Variants in VPS13A observed in about 807,000 individuals in gnomAD.
The protein encoded by VPS13A is vacuolar protein sorting 13 homolog A.
VPS13A carries 264 observed loss-of-function variants against 390.9 expected under a neutral mutation model. The observed-to-expected ratio is 0.68, with a 90% CI of 0.61 to 0.75. The LOEUF is 0.75. Ranked by LOEUF, VPS13A falls within the 30% of genes least tolerant of loss-of-function variation. VPS13A has a pLI of 0.00. For missense variants in VPS13A, 3,409 were observed against 3,733.9 expected, an observed-to-expected ratio of 0.91 and a Z score of 2.27; for synonymous variants, 1,231 against 1,227.1, an observed-to-expected ratio of 1.00 and a Z score of -0.07.
intron 22 of VPS13A, among the ~76,000 whole-genome samples, chr9:77,259,303 A>G (rs1316645808): frequency 6.6e-6 from 1 of 152,146 alleles, no homozygotes; most frequent in African/African-American, 2.4e-5. Flanking sequence ...AAAGTGAAAA[A>G]AAGTTTAAGT....
At chr9:77,218,145 G>GCT (rs1398584683) in intron 10 of VPS13A, among the ~76,000 whole-genome samples, 1 of 112,594 alleles carries the variant, frequency 8.9e-6, no homozygotes, top group Non-Finnish European at 1.7e-5. Context: ...ACAGAGTCTT[G>GCT]CTCTGTCTCC....
At chr9:77,322,656 G>C (rs549412330) in intron 44 of VPS13A, among the ~76,000 whole-genome samples, 26 of 151,712 alleles carry the variant, frequency 1.7e-4, no homozygotes, top group African/African-American at 5.8e-4. Context: ...ATTTAATCAA[G>C]TCCAAGATAT....
intron 71 of VPS13A, among the ~76,000 whole-genome samples, chr9:77,413,530 C>A (rs1406239875): frequency 6.6e-6 from 1 of 152,156 alleles, no homozygotes; most frequent in African/African-American, 2.4e-5. Context: ...GGAAAACTAG[C>A]TAGCCATATG....
At chr9:77,279,269 G>T (rs1826875124) in intron 26 of VPS13A, among the ~76,000 whole-genome samples, 1 of 152,144 alleles carries the variant, frequency 6.6e-6, no homozygotes, top group African/African-American at 2.4e-5. Context: ...GGGGGATGGA[G>T]TGGGAAGGTG....
chr9:77,302,300 T>G (rs1828418016), intron 33 of VPS13A, among the ~76,000 whole-genome samples: 1 of 151,588 alleles, frequency 6.6e-6, no homozygotes, highest in Non-Finnish European at 1.5e-5. Flanking sequence ...CTATACAACT[T>G]ACAACTTATA....
At chr9:77,331,600 C>G (rs1379998765) in intron 45 of VPS13A, among the ~76,000 whole-genome samples, 1 of 151,376 alleles carries the variant, frequency 6.6e-6, no homozygotes, top group African/African-American at 2.4e-5. Context: ...GGTTATAAAC[C>G]CTTTGTCAAG....
intron 71 of VPS13A, among the ~76,000 whole-genome samples, 161 bp from the exon 72 acceptor site, chr9:77,415,795 T>C (rs1835147187): frequency 6.6e-6 from 1 of 152,222 alleles, no homozygotes; most frequent in Non-Finnish European, 1.5e-5. Flanking sequence ...TCTGGGCCAT[T>C]GAAGTGAATG....
chr9:77,405,643 A>T (rs538872711), intron 69 of VPS13A, among the ~76,000 whole-genome samples: 3 of 152,268 alleles, frequency 2.0e-5, no homozygotes, highest in African/African-American at 7.2e-5. Context: ...AGCATTTGGA[A>T]ATACTATTGT....
In VPS13A at chr9:77,321,176, A is replaced by G. The variant is rs1426545894; in HGVS notation, c.5423A>G (p.Lys1808Arg). 1.2e-6 allele frequency: 2 copies of G among 1,612,032 alleles called. No homozygotes were observed. The highest frequency in any genetic ancestry group is 1.7e-6 in the Non-Finnish European group (2 of 1,178,768). ...RPWNLGIKMK[K>R]KAKMAIVESD... ...TATGATTTATCATTTTAGATGAAAAAGAAAGCAAAAATGGCCATTGTTGAG... is the reference window on the plus strand; with the variant it reads ...TATGATTTATCATTTTAGATGAAAAGGAAAGCAAAAATGGCCATTGTTGAG... The change falls in exon 43 of 72, where the codon AAG (lysine) becomes AGG (arginine). Residue 1808 changes from lysine (K) to arginine (R), a missense_variant. Lys to Arg is a conservative substitution (Grantham distance 26). Coordinates refer to ENST00000360280, the MANE Select transcript of VPS13A (RefSeq NM_033305.3).
At chr9:77,266,401 T>C (rs1442934478) in intron 23 of VPS13A, among the ~76,000 whole-genome samples, 4 of 152,140 alleles carry the variant, frequency 2.6e-5, no homozygotes, top group African/African-American at 9.7e-5. Flanking sequence ...GGTGTTAAAG[T>C]CTCCTGCTGT....
chr9:77,413,886 C>T (rs1252256910), intron 71 of VPS13A, among the ~76,000 whole-genome samples: 3 of 152,054 alleles, frequency 2.0e-5, no homozygotes, highest in Admixed American at 2.0e-4. Context: ...TGAACTCAAA[C>T]AAATCTACAA....
At chr9:77,266,654 T>C (rs1031774994) in intron 23 of VPS13A, among the ~76,000 whole-genome samples, 12 of 152,160 alleles carry the variant, frequency 7.9e-5, no homozygotes, top group Non-Finnish European at 1.6e-4. Context: ...GTTGCTCTTA[T>C]TGAGGAATGT....
chr9:77,285,420 T>C (rs1019894988), intron 31 of VPS13A, among the ~76,000 whole-genome samples: 1 of 152,320 alleles, frequency 6.6e-6, no homozygotes, highest in South Asian at 2.1e-4. Flanking sequence ...TATTTATATA[T>C]GCCATAAGGT....
chr9:77,318,469 A>G lies in VPS13A; in HGVS notation c.5191A>G (p.Ile1731Val), dbSNP rs1016550070. 18 of 1,613,986 alleles carry G rather than the reference A, an allele frequency of 1.1e-5. 1 individual carries two copies. The highest frequency in any genetic ancestry group is 3.3e-5 in the South Asian group (3 of 91,080). ...AAAAATGAACATTGATTCTATTTTT[A>G]TAGTTCTTGAGGCTGGAATTGGTCA... ...MIKMNIDSIF[I>V]VLEAGIGHRT... The change falls in exon 41 of 72, where the codon ATA becomes GTA. Residue 1731 changes from isoleucine (I) to valine (V), a missense_variant. By Grantham distance (29) the Ile-to-Val change is conservative. Transcript: ENST00000360280.
intron 35 of VPS13A, among the ~76,000 whole-genome samples, chr9:77,308,549 T>A (rs910453739): frequency 3.9e-5 from 6 of 152,206 alleles, no homozygotes; most frequent in African/African-American, 1.2e-4. Flanking sequence ...GAGAGGATGA[T>A]CATTAGTAGA....
chr9:77,336,162 A>T (rs781169678), intron 46 of VPS13A, among the ~76,000 whole-genome samples: 1 of 152,038 alleles, frequency 6.6e-6, no homozygotes, highest in Non-Finnish European at 1.5e-5. Context: ...AGGAGAACAC[A>T]TGGACACAGG....
chr9:77,317,194 G>A (rs1268494348), intron 39 of VPS13A, among the ~76,000 whole-genome samples: 1 of 151,994 alleles, frequency 6.6e-6, no homozygotes, highest in East Asian at 1.9e-4. Flanking sequence ...TTGCAAGACA[G>A]TTGGCCCTCC....
chr9:77,258,783 CTTG>C (rs1290746573), intron 22 of VPS13A, among the ~76,000 whole-genome samples: 1 of 151,912 alleles, frequency 6.6e-6, no homozygotes, highest in Non-Finnish European at 1.5e-5. Context: ...TGTGCGATTT[CTTG>C]TTGTAAGCAT....
At chr9:77,315,155 T>G (rs1829313343) in intron 37 of VPS13A, 98 bp from the exon 38 acceptor site, 5 of 1,095,578 alleles carry the variant, frequency 4.6e-6, no homozygotes, top group East Asian at 2.5e-5. Flanking sequence ...TGCTTTTTTT[T>G]GTCAGTAAAA....
Sources: gnomAD v4.1 joint callset for allele counts (sites outside exome capture counted in the v4.1 genomes callset) on GRCh38, gnomAD v4.1.1 for gene constraint, MANE v1.5 for transcripts, NCBI Gene and HGNC (gene_info 2026-07-23, HGNC 2026-07-21) for gene names.